The following SFTPB variants were observed in gnomAD, a reference collection of about 807,000 sequenced individuals.
The protein encoded by SFTPB is pulmonary surfactant-associated protein B.
A neutral mutation model predicts 51.0 loss-of-function variants in SFTPB; 32 were observed. That is an observed-to-expected ratio of 0.63 (90% confidence interval 0.47 to 0.84). The LOEUF (loss-of-function observed/expected upper bound fraction) is 0.84. SFTPB is among the 40% of genes least tolerant of loss of function. The probability of loss-of-function intolerance (pLI) is 0.00; values close to 1 mark genes in which losing one functional copy is unlikely to be tolerated. For missense variants in SFTPB, 431 were observed against 491.2 expected (o/e 0.88, Z 1.16); for synonymous variants, 211 against 208.5 (o/e 1.01, Z -0.10).
intron 10 of SFTPB, among the ~76,000 whole-genome samples, chr2:85,660,460 T>G (rs1452186955): frequency 7.1e-6 from 1 of 141,806 alleles, no homozygotes; most frequent in Non-Finnish European, 1.5e-5. Flanking sequence ...TTTTTTTTTT[T>G]TTTTCCTGAG....
chr2:85,668,268 G>A (rs997293488), upstream of SFTPB: 11 of 1,313,564 alleles, frequency 8.4e-6, no homozygotes, highest in African/African-American at 8.8e-5. Context: ...GAGTGGCAGC[G>A]ACCTCAGTGT....
In SFTPB at chr2:85,657,709, C is replaced by G. The variant is rs1677116340; in HGVS notation, c.*1993G>C. On this transcript the variant is annotated 3_prime_UTR_variant, in exon 11 of 11. Transcript: ENST00000519937. Reference sequence around the variant, plus strand: ...GTGAACAATAAAGCTTTTTAATCACCTGGGTGCAGGTGGGCTGAGTCCAAA... The same window carrying G: ...GTGAACAATAAAGCTTTTTAATCACGTGGGTGCAGGTGGGCTGAGTCCAAA... 1 of 152,148 alleles carries G rather than the reference C, an allele frequency of 6.6e-6. No individual in the cohort carries two copies. The highest frequency in any genetic ancestry group is 1.5e-5 in the Non-Finnish European group (1 of 68,032). The allele number at this position is 152,148 out of a possible 1,614,324, so 9.4% of individuals were successfully genotyped here.
intron 9 of SFTPB, among the ~76,000 whole-genome samples, 171 bp downstream of exon 9, chr2:85,661,858 C>G (rs761356184): frequency 6.6e-6 from 1 of 152,146 alleles, no homozygotes; most frequent in Non-Finnish European, 1.5e-5. Flanking sequence ...TTTCCATGCT[C>G]TCATGATTTT....
chr2:85,663,017 G>A (rs1677387402), intron 8 of SFTPB, among the ~76,000 whole-genome samples: 1 of 152,136 alleles, frequency 6.6e-6, no homozygotes, highest in Non-Finnish European at 1.5e-5. Flanking sequence ...GAGAAGGCTA[G>A]TCCCTTTCCT....
chr2:85,668,145 C>T lies in SFTPB; in HGVS notation c.39G>A (p.Leu13=). 6.4e-7 allele frequency: 1 copy of T among 1,551,106 alleles called. No homozygotes were observed. Among genetic ancestry groups the T allele is most frequent in the Non-Finnish European group, 8.7e-7 (1 of 1,146,784 alleles). The change falls in exon 1 of 11, where the codon CTG becomes CTA. Residue 13 remains leucine (L), a synonymous_variant. Coordinates refer to ENST00000519937, the MANE Select transcript of SFTPB (RefSeq NM_000542.5). ...TGCCTGGGCCACAGAGCGTGGGCAG[C>T]AGCAGCAGCAGCCACTGCAGCAGGT... is the stretch of plus-strand genomic sequence containing the variant. ...ESHLLQWLLL[L]LPTLCGPGTA...
chr2:85,663,603 G>C (rs980271508), intron 7 of SFTPB, 61 bp downstream of exon 7: 1 of 1,593,506 alleles, frequency 6.3e-7, no homozygotes, highest in African/African-American at 1.3e-5. Context: ...GGGTCATGCA[G>C]TGGCAGGGTA....
chr2:85,663,313 C>A, intron 8 of SFTPB, 33 bp downstream of exon 8: 1 of 1,605,798 alleles, frequency 6.2e-7, no homozygotes, highest in Non-Finnish European at 8.5e-7. Flanking sequence ...TGAACGGGCC[C>A]TGACCATGAG....
At position 85,663,457 on chromosome 2, in the gene SFTPB, A is replaced by G; in HGVS notation, c.891T>C (p.Ser297=). 6.2e-7 allele frequency: 1 copy of G among 1,613,956 alleles called. No homozygotes were observed. The highest frequency in any genetic ancestry group is 8.5e-7 in the Non-Finnish European group (1 of 1,179,966). ...TCACGGACATGCAGAGGTGGCACTC[A>G]GAGTCTCGCGGCAGCCATTCTCCTG... ...SPTGEWLPRD[S]ECHLCMSVTT... is the part of the protein sequence containing the mutation. Residue 297 remains serine, a synonymous_variant, in exon 8 of 11, where the codon TCT becomes TCC. Transcript: ENST00000519937.
chr2:85,666,423 T>TGTGTGTGTGTGTCCGGCCAGCTGGGGTAC, intron 4 of SFTPB, 194 bp downstream of exon 4: 1 of 314,988 alleles, frequency 3.2e-6, no homozygotes, highest in African/African-American at 3.6e-5. Context: ...AGCTGGGGTG[T>TGTGTGTGTGTGTCCGGCCAGCTGGGGTAC]TGTGTGTGTG....
intron 5 of SFTPB, 65 bp from the exon 6 acceptor site, chr2:85,665,443 C>A (rs531436978): frequency 3.4e-6 from 5 of 1,465,920 alleles, no homozygotes; most frequent in African/African-American, 1.4e-5. Context: ...GGCTCTCCTC[C>A]CCTCTCTCTT....
At chr2:85,666,166 C>T (rs1183883536) in intron 4 of SFTPB, among the ~76,000 whole-genome samples, 1 of 132,364 alleles carries the variant, frequency 7.6e-6, no homozygotes. Context: ...CCTTTGTGGA[C>T]AGGGTGTGTG....
rs867843357 is a variant in SFTPB at position 85,663,848 on chromosome 2, C to A, written c.673-1G>T. 1 of 1,580,652 alleles carries A rather than the reference C, an allele frequency of 6.3e-7. No individual in the cohort carries two copies. Among genetic ancestry groups the A allele is most frequent in the East Asian group, 2.3e-5 (1 of 43,540 alleles). On this transcript the variant is annotated splice_acceptor_variant, in intron 6 of 10. Transcript: ENST00000519937. LOFTEE classifies it high-confidence loss of function. ...GGGCCACTGCCACAGCTAGCGCACC[C>A]TGGGGCGGGGGCGGAGAGAGGCCAG...
chr2:85,664,754 A>T (rs1275540203), intron 6 of SFTPB, among the ~76,000 whole-genome samples: 6 of 152,288 alleles, frequency 3.9e-5, no homozygotes, highest in South Asian at 4.1e-4. Flanking sequence ...CTGGTGGCCC[A>T]CGCAACCCTA....
chr2:85,666,041 CAT>C (rs982273577), intron 4 of SFTPB, among the ~76,000 whole-genome samples: 9 of 152,080 alleles, frequency 5.9e-5, no homozygotes, highest in African/African-American at 2.2e-4. Context: ...AGTGTGTAAG[CAT>C]GTGTGTGAGA....
At chr2:85,661,200 G>C in intron 10 of SFTPB, 1 of 387,674 alleles carries the variant, frequency 2.6e-6, no homozygotes, top group South Asian at 2.2e-5. Context: ...AGGGCGGGGG[G>C]TTGGGGGGGA....
Position 85,666,341 on chromosome 2 carries a change from A to C in SFTPB, c.393+276T>G, listed in dbSNP as rs529001984. Among the ~76,000 whole-genome samples the C allele has an allele frequency of 5.2e-5, 4 of 76,898 alleles. No individual in the cohort carries two copies. The East Asian group carries it at 1.2e-3, about 23-fold the overall frequency. 50.4% of individuals were successfully genotyped at this position (76,898 alleles called of 152,430 possible). On this transcript the variant is annotated intron_variant, in intron 4 of 10. Coordinates refer to ENST00000519937, the MANE Select transcript of SFTPB (RefSeq NM_000542.5). ...GCTGGCTGGGGTACTGTGTGTGTGT[A>C]TGTGTCTGGATAGGGTGCTGTGTGT...
In SFTPB at chr2:85,659,512, T is replaced by A. The variant is rs1046065360; in HGVS notation, c.*190A>T. On this transcript the variant is annotated 3_prime_UTR_variant, in exon 11 of 11. Coordinates refer to ENST00000519937, the MANE Select transcript of SFTPB (RefSeq NM_000542.5). Reference sequence around the variant, plus strand: ...GAGACAGACAAGGCCGACACAGGGCTGGGGGCCCGTGGTCCACCAGTGGAA... The same window carrying A: ...GAGACAGACAAGGCCGACACAGGGCAGGGGGCCCGTGGTCCACCAGTGGAA... The A allele has an allele frequency of 6.6e-6, 1 of 152,304 alleles. No individual in the cohort carries two copies. The highest frequency in any genetic ancestry group is 1.5e-5 in the Non-Finnish European group (1 of 68,142). The allele number at this position is 152,304 out of a possible 1,614,324, so 9.4% of individuals were successfully genotyped here.
At chr2:85,668,045 A>C in intron 1 of SFTPB, 72 bp downstream of exon 1, 1 of 1,325,150 alleles carries the variant, frequency 7.5e-7, no homozygotes, top group Non-Finnish European at 1.1e-6. Flanking sequence ...GACTTGGGTT[A>C]ATGCCTAGCA....
In SFTPB at chr2:85,666,700, G is replaced by A. The variant is rs1245393843; in HGVS notation, c.310C>T (p.Pro104Ser). The change falls in exon 4 of 11, where the codon CCC becomes TCC. Residue 104 changes from proline to serine, a missense_variant. By Grantham distance (74) the Pro-to-Ser change is moderately conservative. Transcript: ENST00000519937. ...CACTGGGGCATGAGCAGCTTCAAGG[G>A]GAGGACGTTGCACTCCTGCTCCAGG... ...KFLEQECNVL[P>S]LKLLMPQCNQ... 6.2e-7 allele frequency: 1 copy of A among 1,613,846 alleles called. No homozygotes were observed. Among genetic ancestry groups the A allele is most frequent in the South Asian group, 1.1e-5 (1 of 91,078 alleles).
Sources: allele counts gnomAD v4.1 joint callset (sites outside exome capture counted in the v4.1 genomes callset), GRCh38; gene constraint gnomAD v4.1.1; transcripts MANE v1.5; gene names NCBI Gene and HGNC (gene_info 2026-07-23, HGNC 2026-07-21).